BIRC6: variants seen among roughly 807,000 people sequenced by gnomAD.
BIRC6 encodes dual E2 ubiquitin-conjugating enzyme/E3 ubiquitin-protein ligase BIRC6.
Under a neutral mutation model 503.3 loss-of-function variants are expected in BIRC6, and 98 were observed. The ratio of observed to expected loss-of-function variants is 0.19; its 90% CI spans 0.17 to 0.23. The LOEUF (loss-of-function observed/expected upper bound fraction) is 0.23. BIRC6 is among the 10% of genes least tolerant of loss of function. BIRC6 has a pLI of 1.00. For synonymous variants in BIRC6, 2,240 were observed against 2,078.7 expected (o/e 1.08, Z -2.11); for missense variants, 5,360 against 5,806.0 (o/e 0.92, Z 2.50).
At chr2:32,498,135 C>G (rs1287985331) in intron 45 of BIRC6, among the ~76,000 whole-genome samples, 1 of 152,172 alleles carries the variant, frequency 6.6e-6, no homozygotes, top group Admixed American at 6.5e-5. Context: ...GATCTTGGCT[C>G]TCTGCAACCT....
At chr2:32,447,167 C>G (rs564315698) in intron 21 of BIRC6, among the ~76,000 whole-genome samples, 3 of 149,990 alleles carry the variant, frequency 2.0e-5, no homozygotes, top group African/African-American at 4.9e-5. Flanking sequence ...CACACAGACC[C>G]GGCAACCATC....
chr2:32,511,067 T>A (rs947122986), intron 53 of BIRC6, among the ~76,000 whole-genome samples: 2 of 152,152 alleles, frequency 1.3e-5, no homozygotes, highest in African/African-American at 4.8e-5. Flanking sequence ...TATTATTGAT[T>A]ATCGTATTCA....
chr2:32,358,486 T>C (rs1254587997), intron 1 of BIRC6, among the ~76,000 whole-genome samples: 1 of 152,160 alleles, frequency 6.6e-6, no homozygotes, highest in Non-Finnish European at 1.5e-5. Flanking sequence ...GATGGGTGGC[T>C]TAATTTGGAT....
Position 32,444,535 on chromosome 2 carries a change from T to A in BIRC6, c.4336+947T>A, listed in dbSNP as rs894735362. ...ACTATGAAGGGCTACTAACTTGGCC[T>A]TTTAAGCCAAATTTTATTTATTGAT... On this transcript the variant is annotated intron_variant, in intron 20 of 73. Transcript: ENST00000421745. Among the ~76,000 whole-genome samples, 7 of 152,332 alleles carry A rather than the reference T, an allele frequency of 4.6e-5. No homozygotes were observed. The East Asian group carries it at 9.6e-4, about 21-fold the overall frequency.
chr2:32,611,408 C>G (rs767213289), intron 72 of BIRC6, 40 bp from the exon 73 acceptor site: 51 of 1,542,180 alleles, frequency 3.3e-5, no homozygotes, highest in Non-Finnish European at 4.5e-5. Context: ...TTAAATTTGA[C>G]TGTAAACACT....
chr2:32,588,615 T>G (rs2061213010), intron 66 of BIRC6, among the ~76,000 whole-genome samples: 1 of 152,154 alleles, frequency 6.6e-6, no homozygotes, highest in Non-Finnish European at 1.5e-5. Context: ...GGTTAAAGGA[T>G]TTATGCAGCA....
rs536077349 is a variant in BIRC6, at chr2:32,457,826, A to G, written c.4753+3884A>G. The stretch of plus-strand genomic sequence containing the variant: ...GAAAAAGTTCAAAGTTTTATGAATA[A>G]TCAAATGAACAAACAGCATAGCCAT... On this transcript the variant is annotated intron_variant, in intron 23 of 73. Coordinates refer to ENST00000421745, the MANE Select transcript of BIRC6 (RefSeq NM_016252.4). Among the ~76,000 whole-genome samples the G allele has an allele frequency of 7.2e-5, 11 of 152,276 alleles. No homozygotes were observed. In the East Asian group the frequency reaches 2.1e-3, roughly 29 times the overall value.
At position 32,501,709 on chromosome 2, in the gene BIRC6, T is replaced by G. The variant is rs764540005; in HGVS notation, c.9032-4T>G. On this transcript the variant is annotated splice_polypyrimidine_tract_variant and splice_region_variant and intron_variant, in intron 46 of 73. Coordinates refer to ENST00000421745, the MANE Select transcript of BIRC6 (RefSeq NM_016252.4). ...TTTAATGTGGTATCTTTTATTTTTC[T>G]TAGGAGCAAGTGGATTACATCTCAC... is the stretch of plus-strand genomic sequence containing the variant. 1.0e-5 allele frequency: 16 copies of G among 1,604,998 alleles called. No individual in the cohort carries two copies. In the South Asian group the frequency reaches 1.6e-4, roughly 16 times the overall value.
At chr2:32,434,370 G>A (rs902821672) in intron 13 of BIRC6, among the ~76,000 whole-genome samples, 1 of 152,086 alleles carries the variant, frequency 6.6e-6, no homozygotes, top group African/African-American at 2.4e-5. Context: ...CTTAACCCCA[G>A]TTTCAAACAT....
chr2:32,545,578 G>A, intron 62 of BIRC6, 65 bp from the exon 63 acceptor site: 1 of 1,331,130 alleles, frequency 7.5e-7, no homozygotes. Context: ...TTATGACCCT[G>A]TATGTAACTT....
chr2:32,568,615 C>A (rs548044997), intron 65 of BIRC6, among the ~76,000 whole-genome samples: 8 of 151,334 alleles, frequency 5.3e-5, no homozygotes, highest in Admixed American at 6.6e-5. Flanking sequence ...GAGTTCGAGG[C>A]GGGCAGTCAC....
In BIRC6 at chr2:32,597,034, TC is replaced by T. The variant is rs569460021; in HGVS notation, c.13613-713del. On this transcript the variant is annotated intron_variant, in intron 68 of 73. Coordinates refer to ENST00000421745, the MANE Select transcript of BIRC6 (RefSeq NM_016252.4). ...TGACTTTAAACATAATCAAGTTTGC[TC>T]CCCATTGGCTTTCAAAATAAGTCTG... Among the ~76,000 whole-genome samples the T allele has an allele frequency of 4.6e-4, 70 of 152,310 alleles. 1 individual carries two copies. The highest frequency in any genetic ancestry group is 1.5e-3 in the South Asian group (7 of 4,826).
chr2:32,609,190 C>G (rs1028441606), intron 72 of BIRC6, among the ~76,000 whole-genome samples: 15 of 151,886 alleles, frequency 9.9e-5, no homozygotes, highest in African/African-American at 2.7e-4. Context: ...GGCCACGTTT[C>G]CTTTTCTTTA....
At chr2:32,522,652 A>T (rs1030798645) in intron 57 of BIRC6, 1 of 152,158 alleles carries the variant, frequency 6.6e-6, no homozygotes, top group African/African-American at 2.4e-5. Context: ...TGACCCCACT[A>T]TTAAGGCTCT....
chr2:32,601,410 C>T lies in BIRC6; in HGVS notation c.13992+1510C>T, dbSNP rs112566207. ...CAGCCTGACCAACATGGAGAAACCC[C>T]GTCTCTACTAAAAATACAAAATTAG... On this transcript the variant is annotated intron_variant, in intron 70 of 73. Transcript: ENST00000421745. Among the ~76,000 whole-genome samples, 1,446 of 151,990 alleles carry T rather than the reference C, an allele frequency of 9.5e-3. 20 individuals are homozygous for T. Among genetic ancestry groups the T allele is most frequent in the Admixed American group, 0.014 (219 of 15,262 alleles).
intron 9 of BIRC6, among the ~76,000 whole-genome samples, chr2:32,411,404 T>C (rs2041858318): frequency 6.8e-6 from 1 of 148,038 alleles, no homozygotes; most frequent in African/African-American, 2.5e-5. Flanking sequence ...GGCAATTATA[T>C]ATATATATAT....
chr2:32,459,287 G>A (rs1019361556), intron 23 of BIRC6, among the ~76,000 whole-genome samples: 1 of 151,972 alleles, frequency 6.6e-6, no homozygotes, highest in Admixed American at 6.6e-5. Flanking sequence ...CCTTTTTCTG[G>A]CTGAATATTC....
chr2:32,500,009 T>C lies in BIRC6; in HGVS notation c.8931T>C (p.Pro2977=), dbSNP rs764168563. Reference sequence around the variant, plus strand: ...GCAGTACCAGTGTTCAAGGATCGCCTGCATATGTTGCTGACTTAGTCTTAG... The same window carrying C: ...GCAGTACCAGTGTTCAAGGATCGCCCGCATATGTTGCTGACTTAGTCTTAG... ...NGSSTSVQGS[P]AYVADLVLAN... is the part of the protein sequence containing the mutation. Residue 2977 remains proline (P), a synonymous_variant, in exon 46 of 74, where the codon CCT becomes CCC. Coordinates refer to ENST00000421745, the MANE Select transcript of BIRC6 (RefSeq NM_016252.4). The C allele has an allele frequency of 1.2e-6, 2 of 1,613,892 alleles. No homozygotes were observed. The highest frequency in any genetic ancestry group is 2.7e-5 in the African/African-American group (2 of 74,938).
At chr2:32,370,967 G>A (rs2035851216) in intron 1 of BIRC6, among the ~76,000 whole-genome samples, 1 of 152,000 alleles carries the variant, frequency 6.6e-6, no homozygotes, top group South Asian at 2.1e-4. Context: ...TAAAGTATTA[G>A]AATTGGTAAC....
Sources: allele counts gnomAD v4.1 joint callset (sites outside exome capture counted in the v4.1 genomes callset), GRCh38; gene constraint gnomAD v4.1.1; transcripts MANE v1.5; gene names NCBI Gene and HGNC (gene_info 2026-07-23, HGNC 2026-07-21).